The following ARHGAP26 variants were observed in gnomAD, a reference collection of about 807,000 sequenced individuals.
The protein encoded by ARHGAP26 is Rho GTPase activating protein 26.
Under a neutral mutation model 104.8 loss-of-function variants are expected in ARHGAP26, and 38 were observed. The observed-to-expected ratio is 0.36, with a 90% CI of 0.28 to 0.48. The LOEUF is 0.48. Among genes scored for constraint, ARHGAP26 ranks in the 20% least tolerant of loss-of-function variants. ARHGAP26 has a pLI of 0.99. For synonymous variants in ARHGAP26, 341 were observed against 340.0 expected (o/e 1.00, Z -0.03); for missense variants, 704 against 947.9 (o/e 0.74, Z 3.38).
intron 17 of ARHGAP26, among the ~76,000 whole-genome samples, chr5:143,071,482 T>G (rs931579254): frequency 6.6e-6 from 1 of 152,164 alleles, no homozygotes; most frequent in African/African-American, 2.4e-5. Context: ...CAACTCAAAA[T>G]GGATCAAAGT....
At position 142,772,980 on chromosome 5, in the gene ARHGAP26, T is replaced by C. The variant is rs1755546268; in HGVS notation, c.154+2065T>C. The C allele has an allele frequency of 8.0e-6, 4 of 498,980 alleles. No individual in the cohort carries two copies. The Admixed American group carries it at 8.2e-5, about 10-fold the overall frequency. 30.9% of individuals were successfully genotyped at this position (498,980 alleles called of 1,614,324 possible). A position where few individuals can be genotyped will look rare whatever the true frequency, so the allele number is the denominator to read the frequency against. On this transcript the variant is annotated intron_variant, in intron 1 of 22. Coordinates refer to ENST00000645722, the MANE Select transcript of ARHGAP26 (RefSeq NM_001135608.3). Reference sequence around the variant, plus strand: ...TGTCTAATGGAATGGATCAGCCCTGTAATCTGGAGGAAAGACTGATGGGGA... The same window carrying C: ...TGTCTAATGGAATGGATCAGCCCTGCAATCTGGAGGAAAGACTGATGGGGA...
intron 1 of ARHGAP26, among the ~76,000 whole-genome samples, chr5:142,788,249 C>T (rs931684756): frequency 1.3e-5 from 2 of 152,162 alleles, no homozygotes; most frequent in Non-Finnish European, 1.5e-5. Context: ...GATCCACCCA[C>T]CTTGGCCTCC....
At chr5:142,815,877 C>T (rs1765024021) in intron 1 of ARHGAP26, among the ~76,000 whole-genome samples, 1 of 152,094 alleles carries the variant, frequency 6.6e-6, no homozygotes, top group Non-Finnish European at 1.5e-5. Context: ...TCACTGCAGC[C>T]TCAACCTCCT....
chr5:142,985,118 C>T (rs926799613), intron 11 of ARHGAP26, among the ~76,000 whole-genome samples: 6 of 151,772 alleles, frequency 4.0e-5, no homozygotes, highest in African/African-American at 1.2e-4. Flanking sequence ...TTTGTGTTTG[C>T]GTCTTGGTTT....
intron 13 of ARHGAP26, among the ~76,000 whole-genome samples, chr5:143,038,369 A>G (rs1782952519): frequency 6.6e-6 from 1 of 152,204 alleles, no homozygotes; most frequent in Non-Finnish European, 1.5e-5. Context: ...GTATGGAAAC[A>G]TTTTTTAAAA....
intron 11 of ARHGAP26, among the ~76,000 whole-genome samples, chr5:142,990,480 G>C (rs191779995): frequency 6.6e-6 from 1 of 152,152 alleles, no homozygotes; most frequent in East Asian, 1.9e-4. Context: ...GTCATTCTCC[G>C]TCTAGCTTTG....
At chr5:143,016,702 C>A (rs200710464) in intron 12 of ARHGAP26, among the ~76,000 whole-genome samples, 1,217 of 126,104 alleles carry the variant, frequency 9.7e-3, no homozygotes, top group Non-Finnish European at 0.012. Context: ...GACTCTGTCT[C>A]AAAAAAAAAA....
intron 11 of ARHGAP26, among the ~76,000 whole-genome samples, chr5:143,012,544 C>CATATATAT (rs1562259165): frequency 4.6e-5 from 2 of 43,082 alleles, no homozygotes; most frequent in Non-Finnish European, 1.2e-4. Flanking sequence ...TATTTATATA[C>CATATATAT]ATACATACAT....
intron 1 of ARHGAP26, among the ~76,000 whole-genome samples, chr5:142,840,428 T>TTTG (rs901314953): frequency 1.3e-5 from 2 of 152,196 alleles, no homozygotes; most frequent in Non-Finnish European, 2.9e-5. Context: ...AATCACTGTT[T>TTTG]TTGTTGTTGT....
intron 11 of ARHGAP26, among the ~76,000 whole-genome samples, chr5:143,008,807 C>T (rs765789571): frequency 2.0e-5 from 3 of 152,124 alleles, no homozygotes; most frequent in Admixed American, 6.5e-5. Flanking sequence ...CTCAGTATGG[C>T]TTGGATAATG....
chr5:143,183,163 A>T (rs1804646372), intron 20 of ARHGAP26, among the ~76,000 whole-genome samples: 1 of 152,084 alleles, frequency 6.6e-6, no homozygotes, highest in South Asian at 2.1e-4. Context: ...GTGGCAGTAT[A>T]ATCTCACAAA....
chr5:142,971,440 T>A (rs1772256954), intron 11 of ARHGAP26, among the ~76,000 whole-genome samples: 1 of 152,210 alleles, frequency 6.6e-6, no homozygotes, highest in Non-Finnish European at 1.5e-5. Context: ...CTTGTCTCAC[T>A]GAAGCCCTGG....
intron 1 of ARHGAP26, among the ~76,000 whole-genome samples, chr5:142,832,201 A>G (rs1768583192): frequency 6.6e-6 from 1 of 152,196 alleles, no homozygotes; most frequent in Non-Finnish European, 1.5e-5. Flanking sequence ...AATAAATGCT[A>G]TGGACTGAAT....
chr5:143,041,973 A>T, intron 14 of ARHGAP26, 83 bp downstream of exon 14: 1 of 1,204,038 alleles, frequency 8.3e-7, no homozygotes, highest in Non-Finnish European at 1.2e-6. Flanking sequence ...GAGTAGATAC[A>T]GCCTGTGGCA....
intron 6 of ARHGAP26, among the ~76,000 whole-genome samples, chr5:142,896,811 T>C: frequency 6.6e-6 from 1 of 152,158 alleles, no homozygotes; most frequent in East Asian, 1.9e-4. Context: ...TGAGCCTTAC[T>C]TTCCCCATCT....
At chr5:143,043,855 T>G (rs1051910244) in intron 14 of ARHGAP26, among the ~76,000 whole-genome samples, 4 of 152,208 alleles carry the variant, frequency 2.6e-5, no homozygotes, top group African/African-American at 9.7e-5. Flanking sequence ...TCTAGAAGAT[T>G]GAGTAGTGTA....
intron 11 of ARHGAP26, among the ~76,000 whole-genome samples, chr5:142,949,213 GAGAGAGA>G (rs1767845558): frequency 1.6e-5 from 1 of 64,160 alleles, no homozygotes; most frequent in African/African-American, 1.3e-4. Context: ...GAGAGAGAGA[GAGAGAGA>G]GGAGAGAGAG....
At position 142,846,185 on chromosome 5, in the gene ARHGAP26, C is replaced by T. The variant is rs148920414; in HGVS notation, c.155-27215C>T. ...GACTCATGTTGAGTTATATGCCAGA[C>T]GCTGGCTTTGTGTATTACCTGTTGG... On this transcript the variant is annotated intron_variant, in intron 1 of 22. Transcript: ENST00000645722. 8.5e-5 allele frequency among the ~76,000 whole-genome samples: 13 copies of T among 152,306 alleles called. No homozygotes were observed. In the East Asian group the frequency reaches 9.6e-4, roughly 11 times the overall value.
At chr5:143,158,599 T>C (rs1486530025) in intron 20 of ARHGAP26, among the ~76,000 whole-genome samples, 1 of 152,242 alleles carries the variant, frequency 6.6e-6, no homozygotes, top group Non-Finnish European at 1.5e-5. Flanking sequence ...TGTAGCATCT[T>C]AGTCATTCAC....
Sources: gnomAD v4.1 joint callset for allele counts (sites outside exome capture counted in the v4.1 genomes callset) on GRCh38, gnomAD v4.1.1 for gene constraint, MANE v1.5 for transcripts, NCBI Gene and HGNC (gene_info 2026-07-23, HGNC 2026-07-21) for gene names.